The following AGBL4 variants were observed in gnomAD, a reference collection of about 807,000 sequenced individuals.
The protein encoded by AGBL4 is AGBL carboxypeptidase 4.
AGBL4 carries 58 observed loss-of-function variants against 66.4 expected under a neutral mutation model. The observed-to-expected ratio is 0.87, with a 90% confidence interval of 0.71 to 1.09. AGBL4 has a LOEUF of 1.09. AGBL4 is among the 50% of genes least tolerant of loss of function. AGBL4 has a pLI of 0.00. For missense variants in AGBL4, 579 were observed against 631.0 expected, an observed-to-expected ratio of 0.92 and a Z score of 0.88; for synonymous variants, 234 against 222.9, an observed-to-expected ratio of 1.05 and a Z score of -0.44.
At chr1:49,932,237 G>C (rs939108240) in intron 1 of AGBL4, among the ~76,000 whole-genome samples, 1 of 152,044 alleles carries the variant, frequency 6.6e-6, no homozygotes, top group African/African-American at 2.4e-5. Context: ...ATGATGCAAA[G>C]GCAGTTCAGT....
intron 3 of AGBL4, among the ~76,000 whole-genome samples, chr1:49,638,756 T>C (rs1645725421): frequency 6.6e-6 from 1 of 152,228 alleles, no homozygotes; most frequent in Non-Finnish European, 1.5e-5. Context: ...TTCCCAGCCA[T>C]GTGGAACCAT....
Position 48,533,257 on chromosome 1 carries a change from T to C in AGBL4, c.*916A>G, listed in dbSNP as rs1643919513. 1 of 152,126 alleles carries C rather than the reference T, an allele frequency of 6.6e-6. No homozygotes were observed. Among genetic ancestry groups the C allele is most frequent in the African/African-American group, 2.4e-5 (1 of 41,404 alleles). The allele number at this position is 152,126 out of a possible 1,614,324, so 9.4% of individuals were successfully genotyped here. ...GACCCATTCATCATACAAAGGCACTTTACTCTTCACAAAAATGCCAATATT... is the reference window on the plus strand; with the variant it reads ...GACCCATTCATCATACAAAGGCACTCTACTCTTCACAAAAATGCCAATATT... On this transcript the variant is annotated 3_prime_UTR_variant, in exon 14 of 14. Transcript: ENST00000371839.
At chr1:49,342,248 T>C (rs1310119074) in intron 3 of AGBL4, among the ~76,000 whole-genome samples, 1 of 152,152 alleles carries the variant, frequency 6.6e-6, no homozygotes, top group African/African-American at 2.4e-5. Flanking sequence ...AAGGTTTTAA[T>C]TGATGAGAAA....
intron 6 of AGBL4, among the ~76,000 whole-genome samples, chr1:48,779,704 CTT>C (rs200375125): frequency 2.2e-5 from 3 of 137,182 alleles, no homozygotes; most frequent in South Asian, 2.3e-4. Context: ...CTGTTCCTCT[CTT>C]TTTTTTTTTT....
chr1:48,619,065 G>T (rs1645366701), intron 9 of AGBL4, among the ~76,000 whole-genome samples: 1 of 152,168 alleles, frequency 6.6e-6, no homozygotes, highest in Non-Finnish European at 1.5e-5. Context: ...TGGGCCCCTG[G>T]TGAGCATGCC....
chr1:49,227,830 T>C (rs1476709947), intron 4 of AGBL4, among the ~76,000 whole-genome samples: 1 of 152,200 alleles, frequency 6.6e-6, no homozygotes, highest in Non-Finnish European at 1.5e-5. Flanking sequence ...AGTGCCCTAT[T>C]CTCTAATCTT....
intron 3 of AGBL4, among the ~76,000 whole-genome samples, chr1:49,645,566 A>G (rs997519584): frequency 5.3e-5 from 8 of 151,462 alleles, no homozygotes; most frequent in African/African-American, 1.9e-4. Context: ...CCTCTCACAA[A>G]GAAAACTCCA....
chr1:48,953,741 C>T (rs1240958939), intron 5 of AGBL4, among the ~76,000 whole-genome samples: 1 of 152,070 alleles, frequency 6.6e-6, no homozygotes, highest in Non-Finnish European at 1.5e-5. Context: ...GAAGAAAAGG[C>T]CACCATGTAC....
chr1:49,712,115 G>A (rs1449194331), intron 2 of AGBL4, among the ~76,000 whole-genome samples: 1 of 151,768 alleles, frequency 6.6e-6, no homozygotes, highest in East Asian at 1.9e-4. Flanking sequence ...TATAAAACCA[G>A]GTAGATATTA....
At chr1:48,716,979 C>T (rs1261697804) in intron 6 of AGBL4, among the ~76,000 whole-genome samples, 2 of 152,232 alleles carry the variant, frequency 1.3e-5, no homozygotes, top group African/African-American at 2.4e-5. Flanking sequence ...AACCGATCCC[C>T]GATTTAATCC....
intron 3 of AGBL4, among the ~76,000 whole-genome samples, chr1:49,537,127 C>T (rs560611671): frequency 9.2e-4 from 140 of 152,070 alleles, no homozygotes; most frequent in South Asian, 6.0e-3. Context: ...TATCTCTCAC[C>T]GTATATAAAA....
At chr1:49,139,252 C>T (rs537825158) in intron 4 of AGBL4, among the ~76,000 whole-genome samples, 3 of 152,226 alleles carry the variant, frequency 2.0e-5, no homozygotes, top group African/African-American at 7.2e-5. Context: ...TACAGAAACA[C>T]TTTTTAAGTG....
rs11205590 is a variant in AGBL4, at chr1:49,045,999, C to T, written c.378-199G>A. Among the ~76,000 whole-genome samples, 497 of 152,294 alleles carry T rather than the reference C, an allele frequency of 3.3e-3. 8 individuals carry two copies. The highest frequency in any genetic ancestry group is 0.011 in the African/African-American group (451 of 41,568). On this transcript the variant is annotated intron_variant, in intron 4 of 13. Transcript: ENST00000371839. ...CAGCTCTTTGCTCACAATCCAGTGC[C>T]ACCCTTTCTCAACTGTCTGGAAAAT... is the stretch of plus-strand genomic sequence containing the variant.
At chr1:49,350,422 C>G (rs1401501024) in intron 3 of AGBL4, among the ~76,000 whole-genome samples, 1 of 151,964 alleles carries the variant, frequency 6.6e-6, no homozygotes, top group African/African-American at 2.4e-5. Context: ...CCGGGATGGT[C>G]TCGATCTCCT....
chr1:49,258,029 C>T (rs1381773548), intron 3 of AGBL4, among the ~76,000 whole-genome samples: 5 of 152,160 alleles, frequency 3.3e-5, no homozygotes, highest in South Asian at 4.1e-4. Context: ...CTGCAGACCC[C>T]GCTGCTGATA....
intron 2 of AGBL4, among the ~76,000 whole-genome samples, chr1:49,836,049 A>G (rs868147199): frequency 4.6e-5 from 7 of 151,876 alleles, no homozygotes; most frequent in African/African-American, 9.7e-5. Context: ...TCTGACGATT[A>G]TGTTTCTTGG....
intron 2 of AGBL4, among the ~76,000 whole-genome samples, chr1:49,723,610 C>A (rs1648775944): frequency 6.6e-6 from 1 of 152,168 alleles, no homozygotes; most frequent in African/African-American, 2.4e-5. Flanking sequence ...GTCTGGTCAT[C>A]AAAGCCTTCA....
chr1:49,774,797 G>A (rs1434819747), intron 2 of AGBL4, among the ~76,000 whole-genome samples: 1 of 152,156 alleles, frequency 6.6e-6, no homozygotes, highest in Non-Finnish European at 1.5e-5. Context: ...GTTGTTAAGA[G>A]TATAAACTGA....
intron 4 of AGBL4, among the ~76,000 whole-genome samples, chr1:49,087,952 T>G (rs1644937402): frequency 1.3e-5 from 2 of 152,194 alleles, no homozygotes; most frequent in South Asian, 4.1e-4. Context: ...TTAAAGAAAA[T>G]AAATTCTACT....
Sources: gnomAD v4.1 joint callset for allele counts (sites outside exome capture counted in the v4.1 genomes callset) on GRCh38, gnomAD v4.1.1 for gene constraint, MANE v1.5 for transcripts, NCBI Gene and HGNC (gene_info 2026-07-23, HGNC 2026-07-21) for gene names.